The following MPPE1 variants were observed in gnomAD, a reference collection of about 807,000 sequenced individuals.
MPPE1 encodes metallophosphoesterase 1, also known as metallo phosphoesterase.
Under a neutral mutation model 43.8 loss-of-function variants are expected in MPPE1, and 28 were observed. The ratio of observed to expected loss-of-function variants is 0.64; its 90% CI spans 0.47 to 0.88. The LOEUF is 0.88. Among genes scored for constraint, MPPE1 ranks in the 40% least tolerant of loss-of-function variants. The probability of loss-of-function intolerance (pLI) is 0.00; values close to 1 mark genes in which losing one functional copy is unlikely to be tolerated. For synonymous variants in MPPE1, 159 were observed against 188.5 expected (o/e 0.84, Z 1.28); for missense variants, 428 against 492.2 (o/e 0.87, Z 1.23).
At chr18:11,907,655 CTTTT>C (rs3048186) in intron 1 of MPPE1, among the ~76,000 whole-genome samples, 25,906 of 112,960 alleles carry the variant, frequency 0.23, 3,756 homozygotes, top group African/African-American at 0.44. Context: ...CTACACCTGG[CTTTT>C]TTTTTTTTTT....
At chr18:11,892,753 C>T (rs1472807691) in intron 4 of MPPE1, among the ~76,000 whole-genome samples, 1 of 151,940 alleles carries the variant, frequency 6.6e-6, no homozygotes. Context: ...TTATACTATA[C>T]CCCAAATTGA....
chr18:11,901,565 G>A (rs540998812), intron 2 of MPPE1, among the ~76,000 whole-genome samples: 3 of 151,664 alleles, frequency 2.0e-5, no homozygotes, highest in Admixed American at 2.0e-4. Flanking sequence ...AGCTGGCCTG[G>A]CACAGTGGCT....
In MPPE1 at chr18:11,884,921, T is replaced by G. The variant is rs906263137; in HGVS notation, c.1009-294A>C. ...TGGCTCACTGGGTTCCCATCAAATA[T>G]AGTGGGGGATCCATAACAGAGATTC... On this transcript the variant is annotated intron_variant, in intron 10 of 10. Transcript: ENST00000588072. The G allele has an allele frequency of 1.9e-5, 24 of 1,283,592 alleles. No individual in the cohort carries two copies. The Admixed American group carries it at 3.0e-4, about 16-fold the overall frequency. 79.5% of individuals were successfully genotyped at this position (1,283,592 alleles called of 1,614,324 possible).
chr18:11,884,490 A>G lies in MPPE1; in HGVS notation c.1146T>C (p.Pro382=), dbSNP rs1320754121. 1 of 1,614,146 alleles carries G rather than the reference A, an allele frequency of 6.2e-7. No homozygotes were observed. The highest frequency in any genetic ancestry group is 1.1e-5 in the South Asian group (1 of 91,084). ...TLTHFGLLAS[P]FLSGLNLLGK... ...CGAGCAAGTTCAAACCAGAAAGAAA[A>G]GGTGAGGCTAGAAGCCCAAAGTGAG... The change falls in exon 11 of 11, where the codon CCT becomes CCC. Residue 382 remains proline (P), a synonymous_variant. Coordinates refer to ENST00000588072, the MANE Select transcript of MPPE1 (RefSeq NM_023075.6).
At chr18:11,892,519 A>G (rs1438785684) in intron 4 of MPPE1, among the ~76,000 whole-genome samples, 2 of 151,930 alleles carry the variant, frequency 1.3e-5, no homozygotes, top group Non-Finnish European at 2.9e-5. Flanking sequence ...AAAATACAAA[A>G]TTAGCCGGGC....
chr18:11,885,989 C>A, intron 9 of MPPE1, 173 bp from the exon 10 acceptor site: 3 of 562,588 alleles, frequency 5.3e-6, no homozygotes, highest in Non-Finnish European at 8.3e-6. Flanking sequence ...TTTATTTACA[C>A]TAAATCAAAG....
chr18:11,894,577 G>GATTTT (rs1022446784), intron 3 of MPPE1, among the ~76,000 whole-genome samples: 2 of 151,920 alleles, frequency 1.3e-5, no homozygotes, highest in East Asian at 1.9e-4. Flanking sequence ...GGTAAATGGC[G>GATTTT]ATTTTATTTT....
At chr18:11,904,350 T>C (rs1183792760) in intron 2 of MPPE1, among the ~76,000 whole-genome samples, 1 of 151,592 alleles carries the variant, frequency 6.6e-6, no homozygotes, top group Non-Finnish European at 1.5e-5. Flanking sequence ...GGTCTCGCCC[T>C]GTCACCCACG....
At chr18:11,900,679 G>A (rs1326917110) in intron 2 of MPPE1, among the ~76,000 whole-genome samples, 5 of 151,964 alleles carry the variant, frequency 3.3e-5, no homozygotes, top group Admixed American at 2.6e-4. Flanking sequence ...AGGCCAAGGT[G>A]GGCAGATCAC....
rs1368718307 is a variant in MPPE1, at chr18:11,885,754, C to A, written c.930G>T (p.Val310=). Reference sequence around the variant, plus strand: ...GCTCGGGGACTCGGCCCCCGTGGTGCACCTCGCAGGCGCTGTGCGTGTGGC... The same window carrying A: ...GCTCGGGGACTCGGCCCCCGTGGTGAACCTCGCAGGCGCTGTGCGTGTGGC... ...LSGHTHSACE[V]HHGGRVPELS... is the part of the protein sequence containing the mutation. Residue 310 remains valine (V), a synonymous_variant, in exon 10 of 11, where the codon GTG becomes GTT. Transcript: ENST00000588072. 1.2e-6 allele frequency: 2 copies of A among 1,614,036 alleles called. No individual in the cohort carries two copies. The highest frequency in any genetic ancestry group is 2.2e-5 in the East Asian group (1 of 44,890).
chr18:11,890,043 C>T (rs992060215), intron 4 of MPPE1, among the ~76,000 whole-genome samples: 4 of 149,984 alleles, frequency 2.7e-5, no homozygotes, highest in Non-Finnish European at 4.4e-5. Context: ...CCGGGGTTCA[C>T]GCCATTCTCC....
At chr18:11,884,682 GCA>G in intron 10 of MPPE1, 55 bp from the exon 11 acceptor site, 3 of 1,552,160 alleles carry the variant, frequency 1.9e-6, no homozygotes, top group Non-Finnish European at 2.7e-6. Flanking sequence ...GTTGAACACC[GCA>G]GTCTTAGAAA....
At chr18:11,894,075 G>A (rs1270181498) in intron 3 of MPPE1, among the ~76,000 whole-genome samples, 1 of 152,132 alleles carries the variant, frequency 6.6e-6, no homozygotes, top group African/African-American at 2.4e-5. Flanking sequence ...TATCAAAACA[G>A]GAAATCCTGG....
At chr18:11,887,981 G>A (rs957989041) in intron 6 of MPPE1, among the ~76,000 whole-genome samples, 3 of 152,146 alleles carry the variant, frequency 2.0e-5, no homozygotes, top group African/African-American at 7.2e-5. Context: ...ACAGAGTGCT[G>A]GGCACCCACA....
intron 2 of MPPE1, among the ~76,000 whole-genome samples, chr18:11,898,766 G>A (rs1275430273): frequency 6.6e-6 from 1 of 151,942 alleles, no homozygotes; most frequent in Non-Finnish European, 1.5e-5. Context: ...ACATCCCTAT[G>A]ATTTCATTCC....
chr18:11,888,879 C>T, intron 5 of MPPE1, 136 bp from the exon 6 acceptor site: 1 of 526,948 alleles, frequency 1.9e-6, no homozygotes, highest in African/African-American at 2.0e-5. Flanking sequence ...TACCTGGCCC[C>T]AGGATAGCAA....
At chr18:11,888,775 A>AG in intron 5 of MPPE1, 32 bp from the exon 6 acceptor site, 1 of 1,382,828 alleles carries the variant, frequency 7.2e-7, no homozygotes, top group Non-Finnish European at 9.9e-7. Flanking sequence ...AACATTTTTC[A>AG]GGACAAGCCA....
At position 11,882,960 on chromosome 18, in the gene MPPE1, A is replaced by G. The variant is rs2036744415; in HGVS notation, c.*1485T>C. Reference sequence around the variant, plus strand: ...CCACAGAGTTGAGGGTAGTTTTTGTAGGTCTAAAATAATAATCTATAAAGA... The same window carrying G: ...CCACAGAGTTGAGGGTAGTTTTTGTGGGTCTAAAATAATAATCTATAAAGA... On this transcript the variant is annotated 3_prime_UTR_variant, in exon 11 of 11. Coordinates refer to ENST00000588072, the MANE Select transcript of MPPE1 (RefSeq NM_023075.6). 1 of 131,414 alleles carries G rather than the reference A, an allele frequency of 7.6e-6. No homozygotes were observed. The highest frequency in any genetic ancestry group is 2.2e-4 in the South Asian group (1 of 4,464). 8.1% of individuals were successfully genotyped at this position (131,414 alleles called of 1,614,324 possible). A position where few individuals can be genotyped will look rare whatever the true frequency, so the allele number is the denominator to read the frequency against.
chr18:11,905,284 G>A (rs976475024), intron 2 of MPPE1: 2 of 152,020 alleles, frequency 1.3e-5, no homozygotes, highest in African/African-American at 4.8e-5. Flanking sequence ...TCCAGTCTGG[G>A]CGACAGAGGG....
Sources: allele counts gnomAD v4.1 joint callset (sites outside exome capture counted in the v4.1 genomes callset), GRCh38; gene constraint gnomAD v4.1.1; transcripts MANE v1.5; gene names NCBI Gene and HGNC (gene_info 2026-07-23, HGNC 2026-07-21).